Variants in TMEM233 observed in about 807,000 individuals in gnomAD.
The protein encoded by TMEM233 is dispanin subfamily B member 2.
In TMEM233, 6 loss-of-function variants were observed where a neutral mutation model predicts 11.2. The observed-to-expected ratio is 0.54, with a 90% CI of 0.29 to 1.06. The LOEUF is 1.06. TMEM233 is among the 50% of genes least tolerant of loss of function. TMEM233 has a pLI of 0.08. For missense variants in TMEM233, 127 were observed against 144.7 expected, an observed-to-expected ratio of 0.88 and a Z score of 0.63; for synonymous variants, 59 against 55.8, an observed-to-expected ratio of 1.06 and a Z score of -0.26.
intron 1 of TMEM233, among the ~76,000 whole-genome samples, chr12:119,596,261 C>T (rs1476308333): frequency 6.6e-6 from 1 of 152,172 alleles, no homozygotes; most frequent in African/African-American, 2.4e-5. Context: ...CAATTCACTC[C>T]TTTCCCAGTG....
intron 1 of TMEM233, among the ~76,000 whole-genome samples, chr12:119,626,541 G>A (rs1157503073): frequency 2.1e-5 from 1 of 46,818 alleles, no homozygotes; most frequent in Non-Finnish European, 4.8e-5. Context: ...GGAGAAGGGA[G>A]AAGAGAAGAG....
rs1314923423 is a variant in TMEM233, at chr12:119,625,253, C to T, written c.187-4483C>T. Among the ~76,000 whole-genome samples the T allele has an allele frequency of 2.6e-5, 4 of 152,104 alleles. No homozygotes were observed. In the East Asian group the frequency reaches 7.7e-4, roughly 29 times the overall value. ...ATATGTCTAATCCCCCTTAATAGTC[C>T]AGGAAGAGGAGCAATTATTACTGAA... On this transcript the variant is annotated intron_variant, in intron 1 of 2. Coordinates refer to ENST00000426426, the MANE Select transcript of TMEM233 (RefSeq NM_001136534.3).
intron 1 of TMEM233, among the ~76,000 whole-genome samples, chr12:119,610,589 A>C (rs1003544409): frequency 6.6e-6 from 1 of 151,638 alleles, no homozygotes; most frequent in African/African-American, 2.4e-5. Flanking sequence ...TGCTGTTCTC[A>C]TGATAGTGAG....
intron 1 of TMEM233, among the ~76,000 whole-genome samples, chr12:119,622,672 C>T (rs550971095): frequency 1.3e-5 from 2 of 151,918 alleles, no homozygotes; most frequent in Admixed American, 6.6e-5. Context: ...AGCCCGAGAC[C>T]CCCCCAGCCA....
At chr12:119,602,713 C>T (rs139394598) in intron 1 of TMEM233, among the ~76,000 whole-genome samples, 25 of 152,328 alleles carry the variant, frequency 1.6e-4, no homozygotes, top group Non-Finnish European at 2.8e-4. Context: ...ATTAGCAGTA[C>T]AGACTATGTC....
chr12:119,604,131 A>C (rs1954219063), intron 1 of TMEM233, among the ~76,000 whole-genome samples: 2 of 152,188 alleles, frequency 1.3e-5, no homozygotes, highest in South Asian at 4.1e-4. Flanking sequence ...CTCATCCAAA[A>C]ATGTGAGCCT....
intron 1 of TMEM233, among the ~76,000 whole-genome samples, chr12:119,597,065 T>A (rs747045792): frequency 4.7e-4 from 72 of 152,260 alleles, no homozygotes; most frequent in Non-Finnish European, 2.6e-4. Context: ...TGATATATAG[T>A]GCAGCTCTGG....
chr12:119,640,854 A>C lies in TMEM233; in HGVS notation c.*149A>C. 5.7e-6 allele frequency: 3 copies of C among 529,550 alleles called. No individual in the cohort carries two copies. The highest frequency in any genetic ancestry group is 8.0e-6 in the Non-Finnish European group (3 of 376,450). 32.8% of individuals were successfully genotyped at this position (529,550 alleles called of 1,614,324 possible). A position where few individuals can be genotyped will look rare whatever the true frequency, so the allele number is the denominator to read the frequency against. On this transcript the variant is annotated 3_prime_UTR_variant, in exon 3 of 3. Coordinates refer to ENST00000426426, the MANE Select transcript of TMEM233 (RefSeq NM_001136534.3). ...AGAGGCAGGTCCCTGGCAAATGAAC[A>C]AGAAAAAAAAAAAAAAAAAGTCCAA...
At position 119,641,272 on chromosome 12, in the gene TMEM233, C is replaced by T. The variant is rs1397969495; in HGVS notation, c.*567C>T. 3 of 152,380 alleles carry T rather than the reference C, an allele frequency of 2.0e-5. No individual in the cohort carries two copies. Among genetic ancestry groups the T allele is most frequent in the Non-Finnish European group, 4.4e-5 (3 of 68,168 alleles). 9.4% of individuals were successfully genotyped at this position (152,380 alleles called of 1,614,324 possible). A position where few individuals can be genotyped will look rare whatever the true frequency, so the allele number is the denominator to read the frequency against. ...CATGCCCAGAGTTCACCCATCTGGT[C>T]ATCAAACACTCAAAGAAGGGGCTTT... is the stretch of plus-strand genomic sequence containing the variant. On this transcript the variant is annotated 3_prime_UTR_variant, in exon 3 of 3. Coordinates refer to ENST00000426426, the MANE Select transcript of TMEM233 (RefSeq NM_001136534.3).
downstream of TMEM233, among the ~76,000 whole-genome samples, chr12:119,646,361 C>G (rs1955152833): frequency 2.6e-5 from 4 of 152,324 alleles, no homozygotes; most frequent in South Asian, 8.3e-4. Flanking sequence ...ACCAGTCCTA[C>G]AGTAGCTTTC....
At chr12:119,599,489 A>G (rs1357001574) in intron 1 of TMEM233, among the ~76,000 whole-genome samples, 1 of 152,252 alleles carries the variant, frequency 6.6e-6, no homozygotes, top group Admixed American at 6.5e-5. Flanking sequence ...AGAACAAATT[A>G]GGAAAACAGA....
Position 119,597,928 on chromosome 12 carries a change from T to C in TMEM233, c.186+3894T>C, listed in dbSNP as rs535253863. ...TGTGTGAATTTGAATATGGCACATTTTCTCCATGCAGACACAGCCCTCCAC... is the reference window on the plus strand; with the variant it reads ...TGTGTGAATTTGAATATGGCACATTCTCTCCATGCAGACACAGCCCTCCAC... On this transcript the variant is annotated intron_variant, in intron 1 of 2. Transcript: ENST00000426426. Among the ~76,000 whole-genome samples, 24 of 152,324 alleles carry C rather than the reference T, an allele frequency of 1.6e-4. 1 individual carries two copies. The South Asian group carries it at 5.0e-3, about 32-fold the overall frequency.
At chr12:119,602,732 G>T (rs185790122) in intron 1 of TMEM233, among the ~76,000 whole-genome samples, 2 of 152,306 alleles carry the variant, frequency 1.3e-5, no homozygotes, top group Non-Finnish European at 2.9e-5. Flanking sequence ...TCTATTTCAA[G>T]ATGTAAATCT....
intron 1 of TMEM233, among the ~76,000 whole-genome samples, chr12:119,615,173 TAAAAAAAAAAAAAAAAAAAAA>T (rs60318959): frequency 1.8e-5 from 1 of 56,184 alleles, no homozygotes; most frequent in Non-Finnish European, 3.1e-5. Flanking sequence ...CGCTTTCTGC[TAAAAAAAAAAAAAAAAAAAAA>T]AAAAAAAAAA....
intron 2 of TMEM233, among the ~76,000 whole-genome samples, chr12:119,632,290 A>G (rs1954900231): frequency 6.6e-6 from 1 of 152,188 alleles, no homozygotes. Flanking sequence ...AGGTAAAGTG[A>G]CTTGCCCAAA....
chr12:119,624,780 G>A (rs1175820962), intron 1 of TMEM233, among the ~76,000 whole-genome samples: 1 of 152,102 alleles, frequency 6.6e-6, no homozygotes, highest in Non-Finnish European at 1.5e-5. Flanking sequence ...GCACAGCAAT[G>A]CGAATGTACA....
chr12:119,600,397 A>AAAC (rs1555264300), intron 1 of TMEM233, among the ~76,000 whole-genome samples: 2 of 151,630 alleles, frequency 1.3e-5, no homozygotes, highest in Non-Finnish European at 2.9e-5. Context: ...TAAAAAAAAA[A>AAAC]AAAACAGCAG....
chr12:119,649,672 T>C, the TMEM233 span, among the ~76,000 whole-genome samples: 4 of 152,074 alleles, frequency 2.6e-5, no homozygotes, highest in Admixed American at 6.6e-5. Flanking sequence ...CTAAGACTTA[T>C]TTCTGATATG....
chr12:119,647,278 AC>A (rs1166374200), downstream of TMEM233, among the ~76,000 whole-genome samples: 1 of 152,216 alleles, frequency 6.6e-6, no homozygotes, highest in African/African-American at 2.4e-5. Context: ...ACCCCCAATC[AC>A]AAAATGCTAC....
Sources: allele counts gnomAD v4.1 joint callset (sites outside exome capture counted in the v4.1 genomes callset), GRCh38; gene constraint gnomAD v4.1.1; transcripts MANE v1.5; gene names NCBI Gene and HGNC (gene_info 2026-07-23, HGNC 2026-07-21).